RGL3: variants seen among roughly 807,000 people sequenced by gnomAD.
The protein encoded by RGL3 is ral guanine nucleotide dissociation stimulator like 3, also known as ral guanine nucleotide dissociation stimulator-like 3.
In RGL3, 85 loss-of-function variants were observed where a neutral mutation model predicts 90.6. The ratio of observed to expected loss-of-function variants is 0.94; its 90% confidence interval spans 0.79 to 1.12. The LOEUF (loss-of-function observed/expected upper bound fraction) is 1.12, where lower values mean the gene tolerates loss of function less well. RGL3 is among the 50% of genes most tolerant of loss of function. The pLI, the probability that RGL3 is intolerant of heterozygous loss-of-function variation, is 0.00. For missense variants in RGL3, 1,034 were observed against 939.2 expected (o/e 1.10, Z -1.32); for synonymous variants, 408 against 385.5 (o/e 1.06, Z -0.68).
Position 11,400,220 on chromosome 19 carries a change from A to C in RGL3, c.1562T>G (p.Leu521Arg). 6.3e-7 allele frequency: 1 copy of C among 1,592,934 alleles called. No individual in the cohort carries two copies. Among genetic ancestry groups the C allele is most frequent in the South Asian group, 1.1e-5 (1 of 88,312 alleles). Reference sequence around the variant, plus strand: ...GACTCACGCACTGAGACGCTTGGTGAGGCTGATCCGCCGTCGGATGCGTGG... The same window carrying C: ...GACTCACGCACTGAGACGCTTGGTGCGGCTGATCCGCCGTCGGATGCGTGG... The part of the protein sequence containing the change: ...SSPRIRRRIS[L>R]TKRLSAKLAR... The change falls in exon 14 of 19, where the codon CTC becomes CGC. Residue 521 changes from leucine (L) to arginine (R), a missense_variant. Coordinates refer to ENST00000380456, the MANE Select transcript of RGL3 (RefSeq NM_001035223.4).
chr19:11,403,848 T>C (rs1968723925), intron 9 of RGL3, among the ~76,000 whole-genome samples: 2 of 152,022 alleles, frequency 1.3e-5, no homozygotes, highest in Admixed American at 1.3e-4. Flanking sequence ...AGGGATCTCC[T>C]GGGTATCCTG....
At chr19:11,411,082 AC>A (rs1252938440) in intron 5 of RGL3, among the ~76,000 whole-genome samples, 1 of 151,698 alleles carries the variant, frequency 6.6e-6, no homozygotes, top group Non-Finnish European at 1.5e-5. Context: ...GTTGGTGGGC[AC>A]CTGTAAACTC....
chr19:11,413,871 G>A (rs1358276867), intron 5 of RGL3, among the ~76,000 whole-genome samples: 1 of 148,270 alleles, frequency 6.7e-6, no homozygotes, highest in East Asian at 2.0e-4. Flanking sequence ...AGCCTCCCGA[G>A]TAGCTGGGAC....
At position 11,397,522 on chromosome 19, in the gene RGL3, C is replaced by A. The variant is rs1393480701; in HGVS notation, c.1822G>T (p.Ala608Ser). The A allele has an allele frequency of 1.2e-6, 2 of 1,613,304 alleles. No individual in the cohort carries two copies. The highest frequency in any genetic ancestry group is 1.7e-5 in the Admixed American group (1 of 59,940). ...ACACGGGCCTCCGAGCTCTGCTGCG[C>A]CGGGAGGGGGATTCGAGGGCTGCCC... ...PLGSPRIPLP[A>S]QQSSEARVIR... The change falls in exon 17 of 19, where the codon GCG becomes TCG. Residue 608 changes from alanine (A) to serine (S), a missense_variant. Ala to Ser is a moderately conservative substitution (Grantham distance 99). Transcript: ENST00000380456.
intron 5 of RGL3, among the ~76,000 whole-genome samples, chr19:11,408,491 C>T (rs2144730635): frequency 6.6e-6 from 1 of 151,678 alleles, no homozygotes; most frequent in African/African-American, 2.4e-5. Context: ...GGGGCTGAGG[C>T]AGGAGAATCG....
rs66711304 is a variant in RGL3, at chr19:11,396,100, A to ATC, written c.2014+1142_2014+1143dup. Among the ~76,000 whole-genome samples the ATC allele has an allele frequency of 8.5e-3, 288 of 33,916 alleles. 8 individuals are homozygous for ATC. The highest frequency in any genetic ancestry group is 0.036 in the Middle Eastern group (1 of 28). The allele number at this position is 33,916 out of a possible 152,430, so 22.3% of individuals were successfully genotyped here. On this transcript the variant is annotated intron_variant, in intron 18 of 18. Transcript: ENST00000380456. ...AGGCACATGCCACCATGCTCAGCTA[A>ATC]TCTCTCTCTCTCTCTCTCTCTCTCT...
In RGL3 at chr19:11,405,338, C is replaced by A. The variant is rs201989374; in HGVS notation, c.1085G>T (p.Trp362Leu). ...SNPIYRLKRS[W>L]GAVSREPLST... ...CCCAGCTCACCGGCTCACTGCCCCC[C>A]AGCTGCGCTTGAGCCGGTAGATGGG... The change falls in exon 8 of 19, where the codon TGG (tryptophan) becomes TTG (leucine). Residue 362 changes from tryptophan to leucine, a missense_variant. By Grantham distance (61) the Trp-to-Leu change is moderately conservative. Coordinates refer to ENST00000380456, the MANE Select transcript of RGL3 (RefSeq NM_001035223.4). The A allele has an allele frequency of 2.5e-6, 4 of 1,613,204 alleles. No individual in the cohort carries two copies. The highest frequency in any genetic ancestry group is 2.7e-5 in the African/African-American group (2 of 74,856).
At position 11,402,225 on chromosome 19, in the gene RGL3, T is replaced by G; in HGVS notation, c.1352A>C (p.Lys451Thr). 1 of 1,608,870 alleles carries G rather than the reference T, an allele frequency of 6.2e-7. No individual in the cohort carries two copies. The highest frequency in any genetic ancestry group is 8.5e-7 in the Non-Finnish European group (1 of 1,177,108). ...MLEGDLINFE[K>T]RRKEWEILAR... ...GTAGCCTCCACTCACCTTCCTCCTC[T>G]TCTCAAAGTTAATGAGATCCCCCTG... is the stretch of plus-strand genomic sequence containing the variant. The change falls in exon 12 of 19, where the codon AAG (lysine) becomes ACG (threonine). Residue 451 changes from lysine (K) to threonine (T), a missense_variant. Coordinates refer to ENST00000380456, the MANE Select transcript of RGL3 (RefSeq NM_001035223.4).
intron 1 of RGL3, 65 bp from the exon 2 acceptor site, chr19:11,418,849 C>T (rs940661413): frequency 2.0e-5 from 26 of 1,328,070 alleles, no homozygotes; most frequent in Non-Finnish European, 2.5e-5. Flanking sequence ...GCCTCCTTGG[C>T]CGCTCGGACT....
At chr19:11,410,845 A>AT (rs1039157981) in intron 5 of RGL3, among the ~76,000 whole-genome samples, 10 of 151,114 alleles carry the variant, frequency 6.6e-5, no homozygotes, top group African/African-American at 2.2e-4. Context: ...AAAATGACCC[A>AT]TTTTTTTTGC....
At chr19:11,398,466 C>G (rs1483854473) in intron 16 of RGL3, among the ~76,000 whole-genome samples, 1 of 152,056 alleles carries the variant, frequency 6.6e-6, no homozygotes, top group Non-Finnish European at 1.5e-5. Context: ...ATGCCTCACC[C>G]TCCCAAGTAG....
At chr19:11,402,370 G>T (rs1050029678) in intron 11 of RGL3, 85 bp downstream of exon 11, 3 of 1,567,116 alleles carry the variant, frequency 1.9e-6, no homozygotes, top group Non-Finnish European at 2.6e-6. Flanking sequence ...AGGAGTACAG[G>T]TAGGATCAAG....
At chr19:11,394,628 G>A in intron 18 of RGL3, 108 bp from the exon 19 acceptor site, 8 of 786,166 alleles carry the variant, frequency 1.0e-5, no homozygotes, top group Admixed American at 3.9e-5. Context: ...ACAGCCATGG[G>A]TCCCTCTGCA....
chr19:11,418,508 T>A, intron 2 of RGL3, 163 bp downstream of exon 2: 2 of 562,788 alleles, frequency 3.6e-6, no homozygotes, highest in Non-Finnish European at 6.2e-6. Flanking sequence ...CCCACTTACC[T>A]GGCCGCCCCC....
intron 5 of RGL3, among the ~76,000 whole-genome samples, chr19:11,414,419 TTATATATATATACCTTCATATATATACA>T (rs1568341836): frequency 1.1e-5 from 1 of 92,642 alleles, no homozygotes; most frequent in Non-Finnish European, 2.0e-5. Flanking sequence ...ATATATACCT[TTATATATATATACCTTCATATATATACA>T]TATATATATA....
chr19:11,397,733 G>A, intron 16 of RGL3, 136 bp from the exon 17 acceptor site: 1 of 940,188 alleles, frequency 1.1e-6, no homozygotes, highest in Non-Finnish European at 1.5e-6. Flanking sequence ...CATTGGCTGG[G>A]CGCAGTGGCT....
intron 2 of RGL3, 33 bp from the exon 3 acceptor site, chr19:11,417,092 A>G: frequency 6.6e-7 from 1 of 1,516,798 alleles, no homozygotes; most frequent in Non-Finnish European, 8.9e-7. Context: ...ATGAGAGAGC[A>G]GGAGTGGTCC....
chr19:11,416,455 T>G (rs1968999832), intron 4 of RGL3, 159 bp downstream of exon 4: 1 of 775,546 alleles, frequency 1.3e-6, no homozygotes, highest in Non-Finnish European at 2.2e-6. Context: ...TGCCTCGGCC[T>G]CCCAAAGTGT....
intron 5 of RGL3, among the ~76,000 whole-genome samples, chr19:11,414,492 T>C (rs1308935615): frequency 7.4e-5 from 1 of 13,582 alleles, no homozygotes; most frequent in Non-Finnish European, 1.3e-4. Flanking sequence ...TACACCTTCA[T>C]ATATATATAT....
Sources: gnomAD v4.1 joint callset for allele counts (sites outside exome capture counted in the v4.1 genomes callset) on GRCh38, gnomAD v4.1.1 for gene constraint, MANE v1.5 for transcripts, NCBI Gene and HGNC (gene_info 2026-07-23, HGNC 2026-07-21) for gene names.